The following ARFGEF3 variants were observed in gnomAD, a reference collection of about 807,000 sequenced individuals.
ARFGEF3 encodes brefeldin A-inhibited guanine nucleotide-exchange protein 3.
A neutral mutation model predicts 221.7 loss-of-function variants in ARFGEF3; 96 were observed. The ratio of observed to expected loss-of-function variants is 0.43; its 90% CI spans 0.37 to 0.51. ARFGEF3 has a LOEUF of 0.51. Ranked by LOEUF, ARFGEF3 falls within the 20% of genes least tolerant of loss-of-function variation. The pLI, the probability that ARFGEF3 is intolerant of heterozygous loss-of-function variation, is 0.00. For synonymous variants in ARFGEF3, 1,145 were observed against 1,126.8 expected (o/e 1.02, Z -0.32); for missense variants, 2,410 against 2,789.9 (o/e 0.86, Z 3.07).
rs1053288282 is a variant in ARFGEF3, at chr6:138,299,027, G to A, written c.3828+242G>A. On this transcript the variant is annotated intron_variant, in intron 22 of 33. Coordinates refer to ENST00000251691, the MANE Select transcript of ARFGEF3 (RefSeq NM_020340.5). Reference sequence around the variant, plus strand: ...AGCCTGACCAACATGGTGAAACCCCGTCTCTACTAAAAATACAAAAGTTAG... The same window carrying A: ...AGCCTGACCAACATGGTGAAACCCCATCTCTACTAAAAATACAAAAGTTAG... Among the ~76,000 whole-genome samples the A allele has an allele frequency of 2.6e-5, 4 of 151,750 alleles. No individual in the cohort carries two copies. In the East Asian group the frequency reaches 5.8e-4, roughly 22 times the overall value.
chr6:138,183,624 A>G (rs907608160), intron 2 of ARFGEF3, among the ~76,000 whole-genome samples: 1 of 152,176 alleles, frequency 6.6e-6, no homozygotes, highest in Admixed American at 6.5e-5. Context: ...AGCATGGTGC[A>G]TGCCGGAAAT....
rs1227298938 is a variant in ARFGEF3, at chr6:138,308,837, C to G, written c.4072C>G (p.Leu1358Val). 6.2e-7 allele frequency: 1 copy of G among 1,614,024 alleles called. No homozygotes were observed. Among genetic ancestry groups the G allele is most frequent in the South Asian group, 1.1e-5 (1 of 91,082 alleles). Residue 1358 changes from leucine to valine, a missense_variant, in exon 24 of 34, where the codon CTT becomes GTT. This residue lies in a region of ARFGEF3 where 723 missense variants were observed against 991.9 expected (regional missense o/e 0.73). Coordinates refer to ENST00000251691, the MANE Select transcript of ARFGEF3 (RefSeq NM_020340.5). ...TGCAGCCACTAGCTACATCATGTGC[C>G]TTATGAAGTTTGTCAAAGGACTGGG... ...ANAATSYIMCLMKFVKGLGEV... is the reference protein window; with the variant it reads ...ANAATSYIMCVMKFVKGLGEV...
intron 31 of ARFGEF3, among the ~76,000 whole-genome samples, chr6:138,326,046 G>A (rs1355869664): frequency 6.6e-6 from 1 of 151,928 alleles, no homozygotes; most frequent in Admixed American, 6.6e-5. Context: ...TAGCAGAGAC[G>A]GAGTTTCGCC....
At chr6:138,277,442 C>T (rs930201993) in intron 12 of ARFGEF3, among the ~76,000 whole-genome samples, 3 of 152,188 alleles carry the variant, frequency 2.0e-5, no homozygotes, top group African/African-American at 2.4e-5. Flanking sequence ...GATGTACAAA[C>T]GTCTGTTCAA....
At position 138,238,523 on chromosome 6, in the gene ARFGEF3, G is replaced by T. The variant is rs755282335; in HGVS notation, c.435G>T (p.Thr145=). Residue 145 remains threonine, a synonymous_variant, in exon 6 of 34, where the codon ACG becomes ACT. Transcript: ENST00000251691. ...VLKIAEVCIE[T]YISSCHQRSI... ...TTCTTTAACAGGTGTGCATTGAGAC[G>T]TACATAAGCAGCTGTCACCAGCGTA... 6.2e-7 allele frequency: 1 copy of T among 1,613,590 alleles called. No individual in the cohort carries two copies. Among genetic ancestry groups the T allele is most frequent in the South Asian group, 1.1e-5 (1 of 91,040 alleles).
At chr6:138,310,332 A>G in intron 24 of ARFGEF3, among the ~76,000 whole-genome samples, 1 of 152,224 alleles carries the variant, frequency 6.6e-6, no homozygotes, top group East Asian at 1.9e-4. Context: ...AAATGTGTTC[A>G]TCTAAACCAG....
intron 24 of ARFGEF3, among the ~76,000 whole-genome samples, chr6:138,310,388 T>TA (rs758557018): frequency 3.9e-5 from 6 of 152,236 alleles, no homozygotes; most frequent in Non-Finnish European, 8.8e-5. Context: ...ACAGTTTTAT[T>TA]AAAACATAGC....
Position 138,218,221 on chromosome 6 carries a change from C to T in ARFGEF3, c.351+8180C>T, listed in dbSNP as rs962751373. 5.1e-5 allele frequency: 83 copies of T among 1,613,666 alleles called. No homozygotes were observed. The highest frequency in any genetic ancestry group is 6.0e-5 in the Non-Finnish European group (71 of 1,179,808). On this transcript the variant is annotated intron_variant, in intron 4 of 33. Transcript: ENST00000251691. ...TCTGTTGCCTTTTGACTTCTTTTTA[C>T]TTTTTCTTTTTTTCGAAATACCTTG...
At chr6:138,169,660 A>T (rs1776789146) in intron 1 of ARFGEF3, among the ~76,000 whole-genome samples, 1 of 152,114 alleles carries the variant, frequency 6.6e-6, no homozygotes. Context: ...CATCTTAAGC[A>T]TTGACTTCAG....
chr6:138,220,674 A>G (rs1777968399), intron 4 of ARFGEF3, among the ~76,000 whole-genome samples: 1 of 152,194 alleles, frequency 6.6e-6, no homozygotes, highest in Non-Finnish European at 1.5e-5. Flanking sequence ...GTTCTAATAC[A>G]CTTGCTGGTC....
chr6:138,327,206 C>T (rs970851072), intron 31 of ARFGEF3, among the ~76,000 whole-genome samples: 2 of 152,164 alleles, frequency 1.3e-5, no homozygotes, highest in Non-Finnish European at 2.9e-5. Context: ...CACCATGACA[C>T]ATGTTTACCT....
intron 2 of ARFGEF3, among the ~76,000 whole-genome samples, chr6:138,181,893 T>C (rs973689680): frequency 2.0e-5 from 3 of 152,244 alleles, no homozygotes; most frequent in Non-Finnish European, 4.4e-5. Flanking sequence ...ATTGTTTATA[T>C]TGATGGATTT....
chr6:138,278,713 T>G, intron 13 of ARFGEF3, 96 bp downstream of exon 13: 1 of 1,359,256 alleles, frequency 7.4e-7, no homozygotes, highest in Non-Finnish European at 1.0e-6. Context: ...TGGCACAGCG[T>G]GTTTTGTTCC....
At position 138,297,912 on chromosome 6, in the gene ARFGEF3, G is replaced by A. The variant is rs118141449; in HGVS notation, c.3649-694G>A. 3.8e-3 allele frequency among the ~76,000 whole-genome samples: 585 copies of A among 152,266 alleles called. 4 individuals carry two copies. The highest frequency in any genetic ancestry group is 6.8e-3 in the Middle Eastern group (2 of 294). ...GATGGTTCATGATGACCTTAACTGG[G>A]AAGGCTAGACAAATAGGTCTCTCTT... On this transcript the variant is annotated intron_variant, in intron 21 of 33. Transcript: ENST00000251691.
intron 6 of ARFGEF3, among the ~76,000 whole-genome samples, chr6:138,239,026 T>C (rs189328457): frequency 6.6e-6 from 1 of 152,302 alleles, no homozygotes; most frequent in African/African-American, 2.4e-5. Flanking sequence ...CTTTGTTAAC[T>C]AAAAGATGGT....
chr6:138,290,726 C>A (rs1374813685), intron 18 of ARFGEF3, among the ~76,000 whole-genome samples: 1 of 152,216 alleles, frequency 6.6e-6, no homozygotes, highest in Non-Finnish European at 1.5e-5. Context: ...GCAGCACATG[C>A]CTCACACTCA....
At chr6:138,199,351 C>A (rs950759681) in intron 2 of ARFGEF3, among the ~76,000 whole-genome samples, 1 of 152,132 alleles carries the variant, frequency 6.6e-6, no homozygotes, top group African/African-American at 2.4e-5. Context: ...TCACAGAATC[C>A]TAGAATTTTA....
At chr6:138,163,665 C>T (rs374218752) in intron 1 of ARFGEF3, among the ~76,000 whole-genome samples, 17 of 152,116 alleles carry the variant, frequency 1.1e-4, no homozygotes, top group Non-Finnish European at 2.2e-4. Context: ...GAAACCACAA[C>T]GTTGCTGAGT....
chr6:138,210,315 T>A (rs1280570285), intron 4 of ARFGEF3, among the ~76,000 whole-genome samples: 2 of 152,190 alleles, frequency 1.3e-5, no homozygotes, highest in African/African-American at 4.8e-5. Context: ...AGAATGTATG[T>A]GAGTAGTTCC....
Sources: gnomAD v4.1 joint callset for allele counts (sites outside exome capture counted in the v4.1 genomes callset) on GRCh38, gnomAD v4.1.1 for gene constraint, gnomAD v4.1.1 regional missense constraint, MANE v1.5 for transcripts, NCBI Gene and HGNC (gene_info 2026-07-23, HGNC 2026-07-21) for gene names.